Variants in HERC1 observed in about 807,000 individuals in gnomAD.
HERC1 encodes probable E3 ubiquitin-protein ligase HERC1.
HERC1 carries 160 observed loss-of-function variants against 554.3 expected under a neutral mutation model. That is an observed-to-expected ratio of 0.29 (90% CI 0.25 to 0.33). The LOEUF (loss-of-function observed/expected upper bound fraction) is 0.33, where lower values mean the gene tolerates loss of function less well. HERC1 is among the 10% of genes least tolerant of loss of function. HERC1 has a pLI of 1.00. For synonymous variants in HERC1, 2,175 were observed against 2,131.7 expected (o/e 1.02, Z -0.56); for missense variants, 4,919 against 5,918.5 (o/e 0.83, Z 5.54).
At chr15:63,674,227 CA>C (rs942301251) in intron 38 of HERC1, 114 bp downstream of exon 38, 2,808 of 783,074 alleles carry the variant, frequency 3.6e-3, no homozygotes, top group South Asian at 5.3e-3. Context: ...TTGCTTTGAC[CA>C]AAAAAAAAAT....
rs34069674 is a variant in HERC1, at chr15:63,718,083, GACACACACACACACAC to G, written c.3978+475_3978+490del. Reference sequence around the variant, plus strand: ...AGTATTTTTAAGGCAGCTATTATGTGACACACACACACACACACACACACACACACACACACACACA... The same window carrying G: ...AGTATTTTTAAGGCAGCTATTATGTGACACACACACACACACACACACACA... On this transcript the variant is annotated intron_variant, in intron 21 of 77. Transcript: ENST00000443617. This position sits in a 1 kb window ranked among gnomAD's most constrained non-coding sequence, Gnocchi z 4.2. Among the ~76,000 whole-genome samples the G allele has an allele frequency of 1.5e-3, 113 of 75,660 alleles. No homozygotes were observed. Among genetic ancestry groups the G allele is most frequent in the Admixed American group, 4.0e-3 (35 of 8,796 alleles). The allele number at this position is 75,660 out of a possible 152,430, so 49.6% of individuals were successfully genotyped here. A position where few individuals can be genotyped will look rare whatever the true frequency, so the allele number is the denominator to read the frequency against.
intron 12 of HERC1, among the ~76,000 whole-genome samples, chr15:63,745,751 G>C (rs1337676819): frequency 2.0e-5 from 3 of 152,272 alleles, no homozygotes; most frequent in African/African-American, 7.2e-5. Flanking sequence ...TTATGAAGGT[G>C]GTTTTTTCTG....
chr15:63,650,417 CTTTT>C (rs74802579), intron 53 of HERC1, among the ~76,000 whole-genome samples: 1 of 143,108 alleles, frequency 7.0e-6, no homozygotes, highest in Non-Finnish European at 1.5e-5. Context: ...TTTCTGTAAC[CTTTT>C]TTTTTTTTTT....
chr15:63,676,862 C>T (rs778650625), intron 37 of HERC1, among the ~76,000 whole-genome samples: 5 of 152,190 alleles, frequency 3.3e-5, no homozygotes, highest in Non-Finnish European at 5.9e-5. Context: ...TGAACAGTTA[C>T]ATAATATCAC....
At position 63,664,471 on chromosome 15, in the gene HERC1, T is replaced by C. The variant is rs1358681728; in HGVS notation, c.8679A>G (p.Ala2893=). Residue 2893 remains alanine, a splice_region_variant and synonymous_variant, in exon 43 of 78, where the codon GCA becomes GCG. Transcript: ENST00000443617. ...DLAARTLLAR[A]AGLYRSVQAH... ...AAAGGATACGGAACATAAAATTACC[T>C]GCTCTTGCTAGCAGTGTGCGAGCAG... 1.9e-6 allele frequency: 3 copies of C among 1,608,194 alleles called. No individual in the cohort carries two copies. Among genetic ancestry groups the C allele is most frequent in the Non-Finnish European group, 2.6e-6 (3 of 1,175,824 alleles).
At chr15:63,657,641 A>C (rs956229308) in intron 48 of HERC1, among the ~76,000 whole-genome samples, 51 of 152,208 alleles carry the variant, frequency 3.4e-4, no homozygotes, top group African/African-American at 1.2e-3. Flanking sequence ...ATTGTATTCC[A>C]ATTTATCAAT....
In HERC1 at chr15:63,643,363, C is replaced by G. The variant is rs1174623609; in HGVS notation, c.11331+41G>C. ...TTATCACATGTGTTTAAGTTAGTGT[C>G]AAAATATTCCTTAACATAAAAATAA... On this transcript the variant is annotated intron_variant, in intron 58 of 77. Transcript: ENST00000443617. The G allele has an allele frequency of 1.9e-6, 3 of 1,558,598 alleles. No homozygotes were observed. In the South Asian group the frequency reaches 3.5e-5, roughly 18 times the overall value.
intron 34 of HERC1, among the ~76,000 whole-genome samples, chr15:63,685,328 C>T (rs1413759010): frequency 6.6e-6 from 1 of 152,246 alleles, no homozygotes; most frequent in Non-Finnish European, 1.5e-5. Flanking sequence ...GGGCAGGTCA[C>T]ATTGGTATCA....
rs560878039 is a variant in HERC1, at chr15:63,811,422, A to AT, written c.-27+22404dup. Among the ~76,000 whole-genome samples the AT allele has an allele frequency of 7.5e-4, 114 of 152,258 alleles. 1 individual carries two copies. The highest frequency in any genetic ancestry group is 2.7e-3 in the African/African-American group (112 of 41,544). ...ATCTAGGTGAAAAGCGCTATTCTTCATTTTTTCTATAAATCTGAGAAATTT... is the reference window on the plus strand; with the variant it reads ...ATCTAGGTGAAAAGCGCTATTCTTCATTTTTTTCTATAAATCTGAGAAATTT... On this transcript the variant is annotated intron_variant, in intron 1 of 77. Transcript: ENST00000443617.
At chr15:63,770,472 G>C (rs1341448312) in intron 2 of HERC1, among the ~76,000 whole-genome samples, 1 of 152,140 alleles carries the variant, frequency 6.6e-6, no homozygotes, top group Non-Finnish European at 1.5e-5. Flanking sequence ...CCAGTGCCTA[G>C]CAGTATCTGG....
intron 12 of HERC1, 80 bp downstream of exon 12, chr15:63,746,838 A>G: frequency 1.7e-6 from 2 of 1,184,226 alleles, no homozygotes. Flanking sequence ...TGTCCAATGT[A>G]CAGTTGAATA....
chr15:63,705,316 G>A (rs143696558), intron 25 of HERC1, among the ~76,000 whole-genome samples: 1 of 151,612 alleles, frequency 6.6e-6, no homozygotes, highest in Admixed American at 6.6e-5. Flanking sequence ...TCCACGCCTA[G>A]CTTTTTTTTT....
At chr15:63,722,330 T>C (rs2073854572) in intron 19 of HERC1, among the ~76,000 whole-genome samples, 2 of 152,302 alleles carry the variant, frequency 1.3e-5, no homozygotes, top group East Asian at 1.9e-4. Context: ...ACCACACCTA[T>C]AGCTTAGACT....
At chr15:63,716,497 C>A in intron 21 of HERC1, 24 bp from the exon 22 acceptor site, 1 of 1,535,820 alleles carries the variant, frequency 6.5e-7, no homozygotes, top group Non-Finnish European at 8.8e-7. Flanking sequence ...TCAGAAACTA[C>A]ACTAAATACA....
At chr15:63,658,801 G>C in intron 47 of HERC1, 83 bp from the exon 48 acceptor site, 3 of 1,144,652 alleles carry the variant, frequency 2.6e-6, no homozygotes, top group Non-Finnish European at 3.6e-6. Flanking sequence ...CTATTCTACA[G>C]AGGTTCCATA....
chr15:63,661,306 A>C (rs2070345485), intron 45 of HERC1, among the ~76,000 whole-genome samples: 1 of 152,242 alleles, frequency 6.6e-6, no homozygotes, highest in Non-Finnish European at 1.5e-5. Flanking sequence ...TAAAGATTTT[A>C]ATAGTTGACA....
intron 1 of HERC1, among the ~76,000 whole-genome samples, chr15:63,821,906 C>T (rs533830220): frequency 2.1e-4 from 32 of 151,952 alleles, no homozygotes; most frequent in African/African-American, 7.2e-4. Context: ...GTAAGGAAGA[C>T]AAATAATAAC....
At chr15:63,682,101 T>C (rs1009474417) in intron 34 of HERC1, among the ~76,000 whole-genome samples, 1 of 152,008 alleles carries the variant, frequency 6.6e-6, no homozygotes, top group Non-Finnish European at 1.5e-5. Flanking sequence ...TAAATATTGC[T>C]GGGGAAAAAG....
At chr15:63,659,215 T>A (rs991733211) in intron 47 of HERC1, among the ~76,000 whole-genome samples, 3 of 151,964 alleles carry the variant, frequency 2.0e-5, no homozygotes, top group Non-Finnish European at 2.9e-5. Flanking sequence ...AATCTTTTTA[T>A]TGCTTCGGTA....
Sources: allele counts gnomAD v4.1 joint callset (sites outside exome capture counted in the v4.1 genomes callset), GRCh38; gene constraint gnomAD v4.1.1; non-coding constraint Gnocchi (gnomAD v3.1); transcripts MANE v1.5; gene names NCBI Gene and HGNC (gene_info 2026-07-23, HGNC 2026-07-21).